MAPK10: variants seen among roughly 807,000 people sequenced by gnomAD.
MAPK10 encodes mitogen-activated protein kinase 10, also known as JNK3 alpha protein kinase.
A neutral mutation model predicts 59.3 loss-of-function variants in MAPK10; 25 were observed. The observed-to-expected ratio is 0.42, with a 90% CI of 0.31 to 0.59. MAPK10 has a LOEUF of 0.59. MAPK10 is among the 20% of genes least tolerant of loss of function. The pLI is 0.15. For synonymous variants in MAPK10, 190 were observed against 200.5 expected, an observed-to-expected ratio of 0.95 and a Z score of 0.44; for missense variants, 351 against 568.9, an observed-to-expected ratio of 0.62 and a Z score of 3.90.
At chr4:86,584,637 G>C (rs1322965443) in intron 1 of MAPK10, among the ~76,000 whole-genome samples, 1 of 152,104 alleles carries the variant, frequency 6.6e-6, no homozygotes, top group Non-Finnish European at 1.5e-5. Context: ...TAGAGATGGG[G>C]TCTACAGGCT....
At chr4:86,574,487 T>C (rs1761719949) in intron 1 of MAPK10, among the ~76,000 whole-genome samples, 2 of 151,708 alleles carry the variant, frequency 1.3e-5, no homozygotes, top group Non-Finnish European at 3.0e-5. Context: ...CCACACTGAC[T>C]TCCACAATGG....
At chr4:86,371,513 T>C (rs1738746048) in intron 1 of MAPK10, among the ~76,000 whole-genome samples, 1 of 152,224 alleles carries the variant, frequency 6.6e-6, no homozygotes, top group Non-Finnish European at 1.5e-5. Context: ...AGTATTGACA[T>C]CTGTGCATAT....
rs2053665998 is a variant in MAPK10 at position 86,093,671 on chromosome 4, A to ATATT, written c.802+4849_802+4852dup. On this transcript the variant is annotated intron_variant, in intron 9 of 13. Coordinates refer to ENST00000641462, the MANE Select transcript of MAPK10 (RefSeq NM_138982.4). ...AACAATTCGCAGAACTTAATGCTAA[A>ATATT]TATTGTAATGCCAGGAAATCAGAAA... Among the ~76,000 whole-genome samples, 7 of 151,822 alleles carry ATATT rather than the reference A, an allele frequency of 4.6e-5. No individual in the cohort carries two copies. In the South Asian group the frequency reaches 1.4e-3, roughly 31 times the overall value.
chr4:86,065,462 AATT>A (rs2046556578), intron 10 of MAPK10: 1 of 152,212 alleles, frequency 6.6e-6, no homozygotes, highest in African/African-American at 2.4e-5. Context: ...ACAGTTATAA[AATT>A]ATATGGTGAT....
Position 86,349,204 on chromosome 4 carries a change from T to C in MAPK10, c.-7+5326A>G, listed in dbSNP as rs146437917. On this transcript the variant is annotated intron_variant, in intron 2 of 13. Transcript: ENST00000641462. The stretch of plus-strand genomic sequence containing the variant: ...ACAACATAGGCTATTACCTAACCTA[T>C]TTAAATAAGATTATGGACTCTCTGC... Among the ~76,000 whole-genome samples, 4 of 152,206 alleles carry C rather than the reference T, an allele frequency of 2.6e-5. No individual in the cohort carries two copies. The South Asian group carries it at 6.2e-4, about 24-fold the overall frequency.
chr4:86,064,262 T>C lies in MAPK10; in HGVS notation c.1110+4A>G. 3 of 1,614,060 alleles carry C rather than the reference T, an allele frequency of 1.9e-6. No individual in the cohort carries two copies. The highest frequency in any genetic ancestry group is 2.5e-6 in the Non-Finnish European group (3 of 1,180,002). On this transcript the variant is annotated splice_donor_region_variant and intron_variant, in intron 11 of 13. Coordinates refer to ENST00000641462, the MANE Select transcript of MAPK10 (RefSeq NM_138982.4). Reference sequence around the variant, plus strand: ...AAGCAAAGTAAAGGCAGCCTATTTCTTACCGCCTCCACTTCGGCTGGGTCA... The same window carrying C: ...AAGCAAAGTAAAGGCAGCCTATTTCCTACCGCCTCCACTTCGGCTGGGTCA...
At chr4:86,509,554 A>T (rs1300851856) in intron 1 of MAPK10, among the ~76,000 whole-genome samples, 1 of 152,032 alleles carries the variant, frequency 6.6e-6, no homozygotes, top group African/African-American at 2.4e-5. Context: ...CAAAAGAAAG[A>T]TTTGTTACTA....
chr4:86,444,505 A>C (rs1749781496), intron 1 of MAPK10, among the ~76,000 whole-genome samples: 1 of 152,192 alleles, frequency 6.6e-6, no homozygotes, highest in Admixed American at 6.5e-5. Context: ...GGACATAAGC[A>C]AGGGCAAAGA....
At chr4:86,570,482 C>T (rs1761371143) in intron 1 of MAPK10, among the ~76,000 whole-genome samples, 2 of 151,182 alleles carry the variant, frequency 1.3e-5, no homozygotes, top group Admixed American at 1.3e-4. Flanking sequence ...TTTACTTTTG[C>T]CAAAAAAAAA....
intron 1 of MAPK10, among the ~76,000 whole-genome samples, chr4:86,521,652 C>G (rs888764686): frequency 6.6e-6 from 1 of 152,108 alleles, no homozygotes; most frequent in Non-Finnish European, 1.5e-5. Context: ...CACTATGCCC[C>G]CCAACCACAC....
intron 11 of MAPK10, chr4:86,031,999 T>C (rs1374765417): frequency 6.6e-6 from 1 of 152,314 alleles, no homozygotes; most frequent in African/African-American, 2.4e-5. Flanking sequence ...GTGTGCCCTA[T>C]ACTTAAACGA....
chr4:86,142,717 GA>G (rs1400072871), intron 4 of MAPK10, among the ~76,000 whole-genome samples: 1 of 152,190 alleles, frequency 6.6e-6, no homozygotes, highest in Non-Finnish European at 1.5e-5. Context: ...AAAGTCAGAT[GA>G]ACAAGGAGAG....
At chr4:86,543,223 A>T (rs565759856) in intron 1 of MAPK10, among the ~76,000 whole-genome samples, 10 of 152,292 alleles carry the variant, frequency 6.6e-5, no homozygotes, top group African/African-American at 2.4e-4. Context: ...CCAGGAATTG[A>T]GCTATAGGAA....
intron 2 of MAPK10, among the ~76,000 whole-genome samples, chr4:86,294,104 C>T (rs1392269755): frequency 3.3e-5 from 5 of 152,204 alleles, no homozygotes; most frequent in Non-Finnish European, 7.3e-5. Flanking sequence ...CTTCTTTCCT[C>T]ATCAATGTGA....
At chr4:86,560,617 C>T (rs1760604701) in intron 1 of MAPK10, among the ~76,000 whole-genome samples, 1 of 152,242 alleles carries the variant, frequency 6.6e-6, no homozygotes, top group Non-Finnish European at 1.5e-5. Flanking sequence ...TCACCCTTAT[C>T]TCTCTAACAG....
At chr4:86,129,136 T>C (rs2060574399) in intron 4 of MAPK10, among the ~76,000 whole-genome samples, 2 of 152,172 alleles carry the variant, frequency 1.3e-5, no homozygotes, top group African/African-American at 4.8e-5. Flanking sequence ...TCTGGACAGA[T>C]GTTAGCATTA....
intron 1 of MAPK10, among the ~76,000 whole-genome samples, chr4:86,398,902 T>C (rs906751057): frequency 6.6e-6 from 1 of 152,216 alleles, no homozygotes; most frequent in Non-Finnish European, 1.5e-5. Context: ...GATAATGGCC[T>C]CCAGTACATC....
intron 3 of MAPK10, among the ~76,000 whole-genome samples, chr4:86,177,165 C>G (rs1050622911): frequency 1.3e-5 from 2 of 152,032 alleles, no homozygotes; most frequent in Admixed American, 1.3e-4. Context: ...TCAACTACAT[C>G]CACAGTTCAA....
At chr4:86,588,659 G>A (rs930512890) in intron 1 of MAPK10, among the ~76,000 whole-genome samples, 15 of 152,108 alleles carry the variant, frequency 9.9e-5, no homozygotes, top group African/African-American at 3.6e-4. Flanking sequence ...ATAAATTTCT[G>A]AAGTAGAATA....
Sources: allele counts gnomAD v4.1 joint callset (sites outside exome capture counted in the v4.1 genomes callset), GRCh38; gene constraint gnomAD v4.1.1; transcripts MANE v1.5; gene names NCBI Gene and HGNC (gene_info 2026-07-23, HGNC 2026-07-21).